Variants in SAMD4A observed in about 807,000 individuals in gnomAD.
The protein encoded by SAMD4A is sterile alpha motif domain containing 4A, also known as protein Smaug homolog 1.
Under a neutral mutation model 81.3 loss-of-function variants are expected in SAMD4A, and 33 were observed. The observed-to-expected ratio is 0.41, with a 90% confidence interval of 0.31 to 0.54. The LOEUF (loss-of-function observed/expected upper bound fraction) is 0.54. Ranked by LOEUF, SAMD4A falls within the 20% of genes least tolerant of loss-of-function variation. The pLI is 0.37. For missense variants in SAMD4A, 854 were observed against 951.1 expected, an observed-to-expected ratio of 0.90 and a Z score of 1.34; for synonymous variants, 389 against 382.1, an observed-to-expected ratio of 1.02 and a Z score of -0.21.
intron 3 of SAMD4A, among the ~76,000 whole-genome samples, chr14:54,708,690 A>G (rs2036916035): frequency 1.3e-5 from 2 of 152,208 alleles, no homozygotes; most frequent in African/African-American, 4.8e-5. Context: ...TACAAAGCAC[A>G]TGAAGAAAAT....
Position 54,784,185 on chromosome 14 carries a change from G to A in SAMD4A, c.2045-352G>A. On this transcript the variant is annotated intron_variant, in intron 11 of 12. Transcript: ENST00000554335. ...CAGAGGAAGGAGAGAGCTGTATGAG[G>A]GTACAGAGATAACAAGGGCCTGGAT... 4.7e-6 allele frequency: 3 copies of A among 633,332 alleles called. No homozygotes were observed. In the East Asian group the frequency reaches 8.4e-5, roughly 18 times the overall value. The allele number at this position is 633,332 out of a possible 1,614,324, so 39.2% of individuals were successfully genotyped here.
intron 2 of SAMD4A, among the ~76,000 whole-genome samples, chr14:54,610,355 A>C (rs1048667649): frequency 6.6e-6 from 1 of 152,210 alleles, no homozygotes; most frequent in African/African-American, 2.4e-5. Flanking sequence ...GTCGAAAAGC[A>C]ACTCCAGGCC....
intron 2 of SAMD4A, chr14:54,687,150 C>T (rs1265601638): frequency 2.9e-6 from 1 of 350,056 alleles, no homozygotes; most frequent in African/African-American, 2.1e-5. Flanking sequence ...AAACTTCTAA[C>T]ATTATATAAA....
At chr14:54,786,637 A>G (rs940709532) in intron 12 of SAMD4A, among the ~76,000 whole-genome samples, 2 of 152,172 alleles carry the variant, frequency 1.3e-5, no homozygotes, top group Admixed American at 1.3e-4. Flanking sequence ...GCTTTTGACC[A>G]AAGAAAAAGG....
At chr14:54,679,969 C>G (rs1198304333) in intron 2 of SAMD4A, among the ~76,000 whole-genome samples, 9 of 152,210 alleles carry the variant, frequency 5.9e-5, no homozygotes, top group Non-Finnish European at 1.3e-4. Flanking sequence ...GATTTGGAAG[C>G]CAAATGATCG....
intron 3 of SAMD4A, among the ~76,000 whole-genome samples, chr14:54,726,837 CTG>C (rs1220104072): frequency 2.6e-5 from 4 of 152,008 alleles, no homozygotes; most frequent in Non-Finnish European, 5.9e-5. Context: ...TAGGAGAAAA[CTG>C]TGGTAGGTCA....
chr14:54,787,460 G>T (rs1289523692), intron 12 of SAMD4A, among the ~76,000 whole-genome samples: 5 of 152,190 alleles, frequency 3.3e-5, no homozygotes. Flanking sequence ...ACCCCCTGTG[G>T]TGGCCTCAGC....
At chr14:54,772,468 T>C (rs532601468) in intron 9 of SAMD4A, among the ~76,000 whole-genome samples, 5 of 152,136 alleles carry the variant, frequency 3.3e-5, no homozygotes, top group African/African-American at 1.2e-4. Flanking sequence ...CCTAGCCAAA[T>C]TCTCCCCTCA....
intron 9 of SAMD4A, among the ~76,000 whole-genome samples, chr14:54,772,866 A>G (rs1344786529): frequency 6.6e-6 from 1 of 151,912 alleles, no homozygotes; most frequent in East Asian, 1.9e-4. Context: ...TACCTCACGT[A>G]GTCAGATTGT....
At chr14:54,692,253 GCCCTT>G (rs2036460055) in intron 2 of SAMD4A, among the ~76,000 whole-genome samples, 1 of 152,198 alleles carries the variant, frequency 6.6e-6, no homozygotes, top group East Asian at 1.9e-4. Context: ...GTGCACTCCA[GCCCTT>G]CCCAGACTTC....
At chr14:54,697,242 A>G (rs894936806) in intron 2 of SAMD4A, among the ~76,000 whole-genome samples, 1 of 152,174 alleles carries the variant, frequency 6.6e-6, no homozygotes, top group Non-Finnish European at 1.5e-5. Context: ...GACTCATGCT[A>G]ACTAGAAAGC....
chr14:54,631,630 A>T (rs543881078), intron 2 of SAMD4A, among the ~76,000 whole-genome samples: 1 of 152,210 alleles, frequency 6.6e-6, no homozygotes, highest in Non-Finnish European at 1.5e-5. Context: ...TTACTGAATC[A>T]ATAATAATTT....
intron 2 of SAMD4A, among the ~76,000 whole-genome samples, chr14:54,594,903 T>C (rs556031597): frequency 9.8e-5 from 15 of 152,336 alleles, no homozygotes; most frequent in African/African-American, 3.6e-4. Flanking sequence ...TCTTACAAGG[T>C]CTATTTCCAG....
At chr14:54,667,381 G>A (rs780758608) in intron 2 of SAMD4A, among the ~76,000 whole-genome samples, 1 of 152,162 alleles carries the variant, frequency 6.6e-6, no homozygotes, top group Non-Finnish European at 1.5e-5. Context: ...AAGTTTGAGG[G>A]TGGAACTTCT....
chr14:54,738,674 A>C (rs1312097118), intron 4 of SAMD4A, among the ~76,000 whole-genome samples: 2 of 152,192 alleles, frequency 1.3e-5, no homozygotes, highest in Admixed American at 1.3e-4. Context: ...TTTATGCTAC[A>C]TGGTTATGTG....
In SAMD4A at chr14:54,737,151, C is replaced by T; in HGVS notation, c.843C>T (p.Pro281=). Residue 281 remains proline, a synonymous_variant, in exon 4 of 13, where the codon CCC becomes CCT. Coordinates refer to ENST00000554335, the MANE Select transcript of SAMD4A (RefSeq NM_015589.6). ...MSHEDLRARG[P]QCLPSDHAPL... ...ATGAGGACTTACGAGCTAGAGGACC[C>T]CAGTGCCTCCCATCCGATCATGCCC... is the stretch of plus-strand genomic sequence containing the variant. 1 of 1,614,122 alleles carries T rather than the reference C, an allele frequency of 6.2e-7. No individual in the cohort carries two copies. Among genetic ancestry groups the T allele is most frequent in the Non-Finnish European group, 8.5e-7 (1 of 1,180,008 alleles).
Position 54,670,756 on chromosome 14 carries a change from C to T in SAMD4A, c.197-31306C>T, listed in dbSNP as rs2035863464. Reference sequence around the variant, plus strand: ...AAGTAGCTCTTGTATGTGGAGGGAACAGAGGAGAACTTAACTGCTGTTGCC... The same window carrying T: ...AAGTAGCTCTTGTATGTGGAGGGAATAGAGGAGAACTTAACTGCTGTTGCC... On this transcript the variant is annotated intron_variant, in intron 2 of 12. Transcript: ENST00000554335. Among the ~76,000 whole-genome samples the T allele has an allele frequency of 2.0e-5, 3 of 152,294 alleles. 1 individual carries two copies. Among genetic ancestry groups the T allele is most frequent in the Middle Eastern group, 3.4e-3 (1 of 294 alleles).
intron 2 of SAMD4A, among the ~76,000 whole-genome samples, chr14:54,691,534 AG>A (rs1489729439): frequency 6.8e-6 from 1 of 147,054 alleles, no homozygotes; most frequent in Non-Finnish European, 1.5e-5. Context: ...GCAATGAAAA[AG>A]TAGCTTCCCT....
chr14:54,748,757 C>T, intron 4 of SAMD4A, 58 bp from the exon 5 acceptor site: 1 of 1,181,170 alleles, frequency 8.5e-7, no homozygotes, highest in Non-Finnish European at 1.2e-6. Flanking sequence ...CATCTCTCGT[C>T]ATCTCTTCTC....
Sources: allele counts gnomAD v4.1 joint callset (sites outside exome capture counted in the v4.1 genomes callset), GRCh38; gene constraint gnomAD v4.1.1; transcripts MANE v1.5; gene names NCBI Gene and HGNC (gene_info 2026-07-23, HGNC 2026-07-21).